FRMPD3: variants seen among roughly 807,000 people sequenced by gnomAD.
FRMPD3 encodes FERM and PDZ domain containing 3.
A neutral mutation model predicts 97.9 loss-of-function variants in FRMPD3; 42 were observed. The ratio of observed to expected loss-of-function variants is 0.43; its 90% CI spans 0.34 to 0.55. The LOEUF (loss-of-function observed/expected upper bound fraction) is 0.55, where lower values mean the gene tolerates loss of function less well. FRMPD3 is among the 20% of genes least tolerant of loss of function. FRMPD3 has a pLI of 0.03. For missense variants in FRMPD3, 1,303 were observed against 1,457.7 expected (o/e 0.89, Z 1.73); for synonymous variants, 577 against 581.1 (o/e 0.99, Z 0.10).
At chrX:107,544,167 A>G (rs968843571) in intron 4 of FRMPD3, among the ~76,000 whole-genome samples, 1 of 111,405 alleles carries the variant, frequency 9.0e-6, no homozygotes, top group Non-Finnish European at 1.9e-5. Context: ...ACATGATCTC[A>G]CTTACATGCG....
chrX:107,595,103 G>A (rs1924106287), intron 13 of FRMPD3, among the ~76,000 whole-genome samples: 1 of 110,727 alleles, frequency 9.0e-6, no homozygotes, highest in Non-Finnish European at 1.9e-5. Context: ...GATCACTTGA[G>A]GCCAGGATTT....
intron 1 of FRMPD3, among the ~76,000 whole-genome samples, chrX:107,511,916 T>C (rs1922176553): frequency 8.9e-6 from 1 of 112,122 alleles, no homozygotes. Context: ...ATGTGTTCAC[T>C]GAGGGGAAGA....
Position 107,576,380 on chromosome X carries a change from C to T in FRMPD3, c.1362C>T (p.Cys454=). The T allele has an allele frequency of 1.7e-6, 2 of 1,210,596 alleles. No homozygotes were observed. The highest frequency in any genetic ancestry group is 2.2e-6 in the Non-Finnish European group (2 of 895,167). ...TNFACLIAGY[C]RLLLDSRKMV... is the part of the protein sequence containing the mutation. Reference sequence around the variant, plus strand: ...TTGCCTGCCTGATCGCGGGGTACTGCCGCCTCTTGCTGGATTCCAGGAAGA... The same window carrying T: ...TTGCCTGCCTGATCGCGGGGTACTGTCGCCTCTTGCTGGATTCCAGGAAGA... Residue 454 remains cysteine, a synonymous_variant, in exon 13 of 15, where the codon TGC becomes TGT. Coordinates refer to ENST00000683843, the MANE Select transcript of FRMPD3 (RefSeq NM_001388459.1).
intron 1 of FRMPD3, among the ~76,000 whole-genome samples, chrX:107,464,964 A>G (rs919894004): frequency 1.8e-5 from 2 of 111,688 alleles, no homozygotes; most frequent in African/African-American, 3.3e-5. Flanking sequence ...ACCGTGCACA[A>G]TAAAGAAGTG....
chrX:107,465,810 A>G (rs1333453855), intron 1 of FRMPD3, among the ~76,000 whole-genome samples: 2 of 110,876 alleles, frequency 1.8e-5, no homozygotes, highest in African/African-American at 3.3e-5. Flanking sequence ...ATGAAATGCA[A>G]CTAAGTTATC....
intron 6 of FRMPD3, 109 bp from the exon 7 acceptor site, chrX:107,552,686 A>G: frequency 3.4e-6 from 3 of 880,626 alleles, no homozygotes; most frequent in Non-Finnish European, 4.7e-6. Context: ...CCTTCTCCCC[A>G]GGACTATATT....
intron 8 of FRMPD3, 74 bp from the exon 9 acceptor site, chrX:107,560,183 G>T: frequency 1.8e-6 from 2 of 1,121,731 alleles, no homozygotes; most frequent in South Asian, 3.8e-5. Context: ...TGTCTGGGAT[G>T]TAAGGGAGTA....
Position 107,523,015 on chromosome X carries a change from T to A in FRMPD3, c.-7-3567T>A, listed in dbSNP as rs1010851947. 1.8e-5 allele frequency among the ~76,000 whole-genome samples: 2 copies of A among 111,307 alleles called. 1 individual carries two copies. The highest frequency in any genetic ancestry group is 7.6e-4 in the South Asian group (2 of 2,628). On this transcript the variant is annotated intron_variant, in intron 1 of 14. Transcript: ENST00000683843. ...ACCAGAAGCCAAACATCTTTCAAAG[T>A]CAAATTGCCTGTTTCCCCCAGGAGG...
rs774356317 is a variant in FRMPD3 at position 107,597,865 on chromosome X, G to A, written c.1986G>A (p.Leu662=). 1.7e-5 allele frequency: 21 copies of A among 1,200,920 alleles called. No homozygotes were observed. Among genetic ancestry groups the A allele is most frequent in the Non-Finnish European group, 2.0e-5 (18 of 891,303 alleles). The change falls in exon 14 of 15, where the codon CTG becomes CTA. Residue 662 remains leucine (L), a synonymous_variant. Coordinates refer to ENST00000683843, the MANE Select transcript of FRMPD3 (RefSeq NM_001388459.1). ...AGGAGGAAGATGAGACAACTTCTCT[G>A]TTGCCAGCCATTGCTGCCCCACCCC... is the stretch of plus-strand genomic sequence containing the variant. ...EEEEEDETTS[L]LPAIAAPPPG... is the part of the protein sequence containing the mutation.
chrX:107,593,703 G>T (rs1283328834), intron 13 of FRMPD3, among the ~76,000 whole-genome samples: 3 of 111,528 alleles, frequency 2.7e-5, no homozygotes, highest in African/African-American at 9.8e-5. Flanking sequence ...TCAGTTGGTT[G>T]TAAGTATTTG....
In FRMPD3 at chrX:107,570,037, G is replaced by A. The variant is rs577265110; in HGVS notation, c.1296+4971G>A. Among the ~76,000 whole-genome samples the A allele has an allele frequency of 4.3e-4, 41 of 94,970 alleles. No individual in the cohort carries two copies. In the South Asian group the frequency reaches 0.018, roughly 43 times the overall value. The allele number at this position is 94,970 out of a possible 115,157, so 82.5% of individuals were successfully genotyped here. On this transcript the variant is annotated intron_variant, in intron 12 of 14. Transcript: ENST00000683843. Reference sequence around the variant, plus strand: ...TCAAAAAAAAAAGGAAAGAAAGAAAGATGAAAGAAAGAAAGAAAGAGAAAA... The same window carrying A: ...TCAAAAAAAAAAGGAAAGAAAGAAAAATGAAAGAAAGAAAGAAAGAGAAAA...
At chrX:107,521,804 G>A (rs1602770892) in intron 1 of FRMPD3, among the ~76,000 whole-genome samples, 2 of 112,620 alleles carry the variant, frequency 1.8e-5, no homozygotes, top group East Asian at 2.8e-4. Flanking sequence ...CCAACCAAAT[G>A]TAAAGAAAAA....
intron 4 of FRMPD3, among the ~76,000 whole-genome samples, chrX:107,544,177 G>A (rs1172241793): frequency 6.3e-5 from 7 of 111,035 alleles, no homozygotes; most frequent in Admixed American, 9.6e-5. Context: ...ACTTACATGC[G>A]GAATCTAAAA....
intron 1 of FRMPD3, among the ~76,000 whole-genome samples, chrX:107,450,241 C>T (rs979015529): frequency 6.3e-5 from 7 of 111,070 alleles, no homozygotes; most frequent in Admixed American, 4.7e-4. Context: ...TTGGCGGGCT[C>T]GTTTGGCCTC....
At chrX:107,600,162 C>G in intron 14 of FRMPD3, 141 bp from the exon 15 acceptor site, 1 of 724,837 alleles carries the variant, frequency 1.4e-6, no homozygotes, top group East Asian at 3.5e-5. Context: ...CATTTCGTAT[C>G]AGGGACTTGA....
At chrX:107,545,097 T>C (rs1162891928) in intron 4 of FRMPD3, 1 of 111,484 alleles carries the variant, frequency 9.0e-6, no homozygotes, top group Non-Finnish European at 1.9e-5. Context: ...AATAAATAAA[T>C]ACAAGCCTGG....
chrX:107,491,634 C>G (rs955665879), intron 1 of FRMPD3, among the ~76,000 whole-genome samples: 1 of 112,156 alleles, frequency 8.9e-6, no homozygotes, highest in African/African-American at 3.2e-5. Context: ...CCACTGGCTT[C>G]TGATAATCGG....
At chrX:107,509,588 C>T (rs1731980848) in intron 1 of FRMPD3, among the ~76,000 whole-genome samples, 1 of 111,628 alleles carries the variant, frequency 9.0e-6, no homozygotes, top group Non-Finnish European at 1.9e-5. Flanking sequence ...ACTTAAACAC[C>T]TAGAGGTTTC....
At position 107,598,210 on chromosome X, in the gene FRMPD3, T is replaced by G. The variant is rs1212419474; in HGVS notation, c.2263+68T>G. 4 of 951,789 alleles carry G rather than the reference T, an allele frequency of 4.2e-6. No individual in the cohort carries two copies. In the African/African-American group the frequency reaches 5.8e-5, roughly 14 times the overall value. 78.4% of individuals were successfully genotyped at this position (951,789 alleles called of 1,213,427 possible). A position where few individuals can be genotyped will look rare whatever the true frequency, so the allele number is the denominator to read the frequency against. On this transcript the variant is annotated intron_variant, in intron 14 of 14. Transcript: ENST00000683843. The stretch of plus-strand genomic sequence containing the variant: ...GTCCAACAAGGGCCAGTAGGTAACA[T>G]TGTGTCTTCCCAAATAGGTGTCAGA...
Sources: gnomAD v4.1 joint callset for allele counts (sites outside exome capture counted in the v4.1 genomes callset) on GRCh38, gnomAD v4.1.1 for gene constraint, MANE v1.5 for transcripts, NCBI Gene and HGNC (gene_info 2026-07-23, HGNC 2026-07-21) for gene names.